ZNF398: variants seen among roughly 807,000 people sequenced by gnomAD.
ZNF398 encodes zinc finger protein 398, also known as zinc finger DNA binding protein ZER6.
Under a neutral mutation model 41.9 loss-of-function variants are expected in ZNF398, and 18 were observed. The observed-to-expected ratio is 0.43, with a 90% CI of 0.30 to 0.64. The LOEUF (loss-of-function observed/expected upper bound fraction) is 0.64. ZNF398 is among the 30% of genes least tolerant of loss of function. ZNF398 has a pLI of 0.14. For synonymous variants in ZNF398, 260 were observed against 308.8 expected (o/e 0.84, Z 1.66); for missense variants, 669 against 822.8 (o/e 0.81, Z 2.29).
At chr7:149,173,121 T>C (rs1175733178) in intron 4 of ZNF398, among the ~76,000 whole-genome samples, 2 of 72,876 alleles carry the variant, frequency 2.7e-5, no homozygotes, top group Non-Finnish European at 5.7e-5. Flanking sequence ...TTTTTTTTTT[T>C]TGAGACAGAG....
Position 149,170,302 on chromosome 7 carries a change from A to G in ZNF398, c.661+3372A>G, listed in dbSNP as rs1008690413. On this transcript the variant is annotated intron_variant, in intron 4 of 5. Transcript: ENST00000475153. ...GTAGCTTTCTATGTACCTAGGCTAT[A>G]TAGTATAGCCTATTGCTTCTAGGCT... 3.3e-5 allele frequency among the ~76,000 whole-genome samples: 5 copies of G among 152,202 alleles called. No homozygotes were observed. The South Asian group carries it at 1.0e-3, about 31-fold the overall frequency.
chr7:149,158,664 G>T (rs964275379), intron 2 of ZNF398, among the ~76,000 whole-genome samples: 1 of 151,902 alleles, frequency 6.6e-6, no homozygotes, highest in East Asian at 1.9e-4. Context: ...GTGAAACCCT[G>T]TCTCTACTGA....
rs886855702 is a variant in ZNF398, at chr7:149,180,062, G to C, written c.*261G>C. On this transcript the variant is annotated 3_prime_UTR_variant, in exon 6 of 6. Transcript: ENST00000475153. ...TTTCAAAGATACAACAAAAGCAGAA[G>C]TTACAAGAATATTGCGGAGAGGTTG... 7.1e-5 allele frequency: 26 copies of C among 365,660 alleles called. No individual in the cohort carries two copies. The highest frequency in any genetic ancestry group is 6.9e-4 in the East Asian group (15 of 21,868). 22.7% of individuals were successfully genotyped at this position (365,660 alleles called of 1,614,324 possible).
At chr7:149,141,447 C>CTTTTTTTTTTTTTTTTTTT (rs35331670) in intron 2 of ZNF398, among the ~76,000 whole-genome samples, 1 of 116,816 alleles carries the variant, frequency 8.6e-6, no homozygotes, top group Admixed American at 1.1e-4. Flanking sequence ...AGCTACTTTT[C>CTTTTTTTTTTTTTTTTTTT]TTTTTTTTCT....
At chr7:149,151,650 C>CTATGG (rs1827116496) in intron 1 of ZNF398, among the ~76,000 whole-genome samples, 3 of 151,882 alleles carry the variant, frequency 2.0e-5, no homozygotes, top group Non-Finnish European at 1.5e-5. Flanking sequence ...TGTCAGTGCA[C>CTATGG]TCCAGCCTCG....
At chr7:149,128,270 G>C (rs1246380940) in intron 1 of ZNF398, among the ~76,000 whole-genome samples, 1 of 152,088 alleles carries the variant, frequency 6.6e-6, no homozygotes, top group East Asian at 1.9e-4. Context: ...AACTCCAAGC[G>C]GTGCTTACAG....
intron 2 of ZNF398, 111 bp downstream of exon 2, chr7:149,154,451 TATCTC>T: frequency 8.1e-7 from 1 of 1,231,008 alleles, no homozygotes; most frequent in Non-Finnish European, 1.1e-6. Flanking sequence ...TTTCTTAAAA[TATCTC>T]AGTCTGAAAG....
chr7:149,166,563 C>A (rs765225028), intron 3 of ZNF398, among the ~76,000 whole-genome samples: 1 of 152,190 alleles, frequency 6.6e-6, no homozygotes, highest in Non-Finnish European at 1.5e-5. Flanking sequence ...ACTTCTCCCC[C>A]TTGAGGCACA....
At chr7:149,161,520 A>C (rs1198359265) in intron 2 of ZNF398, among the ~76,000 whole-genome samples, 1 of 152,234 alleles carries the variant, frequency 6.6e-6, no homozygotes, top group Non-Finnish European at 1.5e-5. Context: ...AGCAATGATC[A>C]CATCACTGCA....
intron 5 of ZNF398, 139 bp downstream of exon 5, chr7:149,176,720 G>A (rs1037184840): frequency 1.6e-5 from 9 of 560,378 alleles, no homozygotes; most frequent in Admixed American, 1.1e-4. Flanking sequence ...TCAACATTAT[G>A]AATGAAACCA....
At chr7:149,173,190 C>T (rs1795388107) in intron 4 of ZNF398, among the ~76,000 whole-genome samples, 1 of 149,006 alleles carries the variant, frequency 6.7e-6, no homozygotes, top group African/African-American at 2.5e-5. Context: ...CTGCAACCTC[C>T]GACTCCTAGG....
At chr7:149,130,658 G>T (rs961759515) in intron 2 of ZNF398, among the ~76,000 whole-genome samples, 2 of 152,176 alleles carry the variant, frequency 1.3e-5, no homozygotes, top group Non-Finnish European at 2.9e-5. Flanking sequence ...TAAAAAAACC[G>T]TTAGACATTC....
chr7:149,178,893 C>G lies in ZNF398; in HGVS notation c.1021C>G (p.Gln341Glu). The G allele has an allele frequency of 6.2e-7, 1 of 1,614,142 alleles. No homozygotes were observed. The highest frequency in any genetic ancestry group is 8.5e-7 in the Non-Finnish European group (1 of 1,179,986). ...TCCCCTCCCACCTCCAGTTGGCGAG[C>G]AGGTGTTCTCATGCCACCACTGTGG... Reference protein sequence around the residue: ...SYPLPPPVGEQVFSCHHCGKN... With the variant: ...SYPLPPPVGEEVFSCHHCGKN... The change falls in exon 6 of 6, where the codon CAG (glutamine) becomes GAG (glutamate). Residue 341 changes from glutamine to glutamate, a missense_variant. Physicochemically the swap from Gln to Glu is conservative, Grantham distance 29. Transcript: ENST00000475153.
intron 2 of ZNF398, among the ~76,000 whole-genome samples, chr7:149,161,631 C>T (rs1795105619): frequency 6.6e-6 from 1 of 152,110 alleles, no homozygotes; most frequent in African/African-American, 2.4e-5. Context: ...GAATGCCTAA[C>T]ATACAAGCAT....
rs748586769 is a variant in ZNF398 at position 149,166,795 on chromosome 7, CTCTT to C, written c.548-21_548-18del. The C allele has an allele frequency of 9.1e-6, 14 of 1,539,078 alleles. No individual in the cohort carries two copies. The East Asian group carries it at 1.4e-4, about 15-fold the overall frequency. ...CTCATTTATCTCTTTGTAATACTCT[CTCTT>C]CCTTTTTCCTCTCCTAGATTATGCT... On this transcript the variant is annotated intron_variant, in intron 3 of 5. Coordinates refer to ENST00000475153, the MANE Select transcript of ZNF398 (RefSeq NM_170686.3).
chr7:149,157,396 G>A (rs577799222), intron 2 of ZNF398, among the ~76,000 whole-genome samples: 2 of 151,962 alleles, frequency 1.3e-5, no homozygotes, highest in South Asian at 2.1e-4. Context: ...TTAGCCGGGC[G>A]TGGTGGCGAG....
rs1795532349 is a variant in ZNF398, at chr7:149,179,049, G to A, written c.1177G>A (p.Ala393Thr). The A allele has an allele frequency of 1.9e-6, 3 of 1,613,880 alleles. No homozygotes were observed. Among genetic ancestry groups the A allele is most frequent in the Non-Finnish European group, 2.5e-6 (3 of 1,179,998 alleles). ...CCTCAGCAGCACCTCCCAGGACCAT[G>A]CCAGCGAGACACCCCCCACCTGCCC... ...ADLSSTSQDH[A>T]SETPPTCPHC... Residue 393 changes from alanine (A) to threonine (T), a missense_variant, in exon 6 of 6, where the codon GCC becomes ACC. This residue lies in a region of ZNF398 where 290 missense variants were observed against 292.9 expected (regional missense o/e 0.99). Coordinates refer to ENST00000475153, the MANE Select transcript of ZNF398 (RefSeq NM_170686.3). This position sits in a 1 kb window ranked among gnomAD's most constrained non-coding sequence, Gnocchi z 6.1.
Position 149,179,548 on chromosome 7 carries a change from G to T in ZNF398, c.1676G>T (p.Arg559Leu). 1.2e-6 allele frequency: 2 copies of T among 1,614,156 alleles called. No homozygotes were observed. The highest frequency in any genetic ancestry group is 1.7e-6 in the Non-Finnish European group (2 of 1,180,030). Reference sequence around the variant, plus strand: ...AAGCACCACCTAATGAAACACCAGCGCATCCACACCGGGGAGCGGCCCTAC... The same window carrying T: ...AAGCACCACCTAATGAAACACCAGCTCATCCACACCGGGGAGCGGCCCTAC... Reference protein sequence around the residue: ...IRKHHLMKHQRIHTGERPYPC... With the variant: ...IRKHHLMKHQLIHTGERPYPC... The change falls in exon 6 of 6, where the codon CGC (arginine) becomes CTC (leucine). Residue 559 changes from arginine (R) to leucine (L), a missense_variant. Arg to Leu is a moderately radical substitution (Grantham distance 102). This residue lies in a region of ZNF398 where 210 missense variants were observed against 290.4 expected (regional missense o/e 0.72). Transcript: ENST00000475153. This position sits in a 1 kb window ranked among gnomAD's most constrained non-coding sequence, Gnocchi z 6.1.
chr7:149,146,798 G>C (rs2129519905), upstream of ZNF398, among the ~76,000 whole-genome samples: 1 of 151,892 alleles, frequency 6.6e-6, no homozygotes, highest in Admixed American at 6.6e-5. Flanking sequence ...AGTGAGCCGA[G>C]ATCCCGCCAC....
Sources: gnomAD v4.1 joint callset for allele counts (sites outside exome capture counted in the v4.1 genomes callset) on GRCh38, gnomAD v4.1.1 for gene constraint, gnomAD v4.1.1 regional missense constraint, Gnocchi (gnomAD v3.1) non-coding constraint, MANE v1.5 for transcripts, NCBI Gene and HGNC (gene_info 2026-07-23, HGNC 2026-07-21) for gene names.